FAF1: variants seen among roughly 807,000 people sequenced by gnomAD.
The protein encoded by FAF1 is FAS-associated factor 1.
FAF1 carries 25 observed loss-of-function variants against 92.5 expected under a neutral mutation model. That is an observed-to-expected ratio of 0.27 (90% CI 0.20 to 0.38). FAF1 has a LOEUF of 0.38. Among genes scored for constraint, FAF1 ranks in the 10% least tolerant of loss-of-function variants. FAF1 has a pLI of 1.00. For missense variants in FAF1, 636 were observed against 793.3 expected (o/e 0.80, Z 2.38); for synonymous variants, 234 against 273.2 (o/e 0.86, Z 1.42).
intron 3 of FAF1, among the ~76,000 whole-genome samples, chr1:50,797,532 C>A (rs2124586700): frequency 6.6e-6 from 1 of 152,158 alleles, no homozygotes; most frequent in Non-Finnish European, 1.5e-5. Context: ...GACCCCATCT[C>A]TACAAAGAAT....
intron 8 of FAF1, among the ~76,000 whole-genome samples, chr1:50,636,647 C>T (rs992924293): frequency 4.6e-5 from 7 of 151,952 alleles, no homozygotes; most frequent in Non-Finnish European, 8.8e-5. Flanking sequence ...TGAGCCACCG[C>T]GCCTGGCCTT....
At position 50,820,672 on chromosome 1, in the gene FAF1, C is replaced by A. The variant is rs886807147; in HGVS notation, c.115-18995G>T. 2.6e-5 allele frequency among the ~76,000 whole-genome samples: 4 copies of A among 152,320 alleles called. No homozygotes were observed. The South Asian group carries it at 6.2e-4, about 24-fold the overall frequency. ...CTCCCCATTTCCCAGCCCCTGGTAA[C>A]CACCATTCTAACCTCTCTGTTGCTA... On this transcript the variant is annotated intron_variant, in intron 2 of 18. Coordinates refer to ENST00000396153, the MANE Select transcript of FAF1 (RefSeq NM_007051.3).
intron 1 of FAF1, among the ~76,000 whole-genome samples, chr1:50,874,306 C>A (rs1331438089): frequency 6.6e-6 from 1 of 151,950 alleles, no homozygotes; most frequent in Admixed American, 6.6e-5. Flanking sequence ...ATAAAACCAT[C>A]CCATACCCTG....
At chr1:50,492,248 T>C (rs1398912285) in intron 15 of FAF1, among the ~76,000 whole-genome samples, 1 of 152,150 alleles carries the variant, frequency 6.6e-6, no homozygotes, top group Non-Finnish European at 1.5e-5. Context: ...AACTAAGGAC[T>C]GGGAGGGAGA....
intron 1 of FAF1, among the ~76,000 whole-genome samples, chr1:50,912,226 G>GT (rs1557586552): frequency 6.6e-6 from 1 of 152,194 alleles, no homozygotes; most frequent in Non-Finnish European, 1.5e-5. Flanking sequence ...CAGGAATGGT[G>GT]TATTAAAGTG....
chr1:50,780,964 A>G, intron 4 of FAF1: 1 of 484,118 alleles, frequency 2.1e-6, no homozygotes, highest in South Asian at 1.5e-5. Context: ...ACAGGAGGTC[A>G]TCATCTCTGC....
chr1:50,680,386 C>T (rs1469930257), intron 7 of FAF1, among the ~76,000 whole-genome samples: 1 of 151,814 alleles, frequency 6.6e-6, no homozygotes, highest in East Asian at 1.9e-4. Context: ...ATTAAGAAAA[C>T]ACTTAGAAAA....
At chr1:50,936,678 A>T (rs907521954) in intron 1 of FAF1, among the ~76,000 whole-genome samples, 1 of 152,180 alleles carries the variant, frequency 6.6e-6, no homozygotes, top group African/African-American at 2.4e-5. Context: ...TGGACTTAGC[A>T]GCTTATATTT....
chr1:50,640,727 C>CT (rs1391185399), intron 8 of FAF1, among the ~76,000 whole-genome samples: 11 of 151,242 alleles, frequency 7.3e-5, no homozygotes, highest in Admixed American at 7.2e-4. Flanking sequence ...TTTTAACTGT[C>CT]TGTATGATTT....
chr1:50,501,088 A>T (rs1646978478), intron 15 of FAF1, among the ~76,000 whole-genome samples: 1 of 152,232 alleles, frequency 6.6e-6, no homozygotes, highest in Non-Finnish European at 1.5e-5. Context: ...TTTATGAAAA[A>T]GAAAGTCATA....
chr1:50,872,453 G>C (rs1276025578), intron 1 of FAF1, among the ~76,000 whole-genome samples: 1 of 152,204 alleles, frequency 6.6e-6, no homozygotes, highest in African/African-American at 2.4e-5. Context: ...GGTTTCTTGA[G>C]ATGAAAATCT....
At chr1:50,768,756 A>G (rs1456311423) in intron 4 of FAF1, among the ~76,000 whole-genome samples, 1 of 152,188 alleles carries the variant, frequency 6.6e-6, no homozygotes, top group Non-Finnish European at 1.5e-5. Context: ...GATGCAATGT[A>G]ACAGAAACTC....
intron 9 of FAF1, among the ~76,000 whole-genome samples, chr1:50,585,648 T>C (rs1162487613): frequency 1.3e-5 from 2 of 152,158 alleles, no homozygotes; most frequent in Non-Finnish European, 2.9e-5. Flanking sequence ...GGCTACATGC[T>C]TGTCTGTCCT....
At chr1:50,903,247 A>G (rs1300692352) in intron 1 of FAF1, among the ~76,000 whole-genome samples, 2 of 152,158 alleles carry the variant, frequency 1.3e-5, no homozygotes, top group African/African-American at 2.4e-5. Flanking sequence ...GCCAGCCAAG[A>G]TATTTCATTA....
intron 18 of FAF1, among the ~76,000 whole-genome samples, chr1:50,443,448 T>C (rs1447676864): frequency 2.6e-5 from 4 of 152,202 alleles, no homozygotes; most frequent in Admixed American, 2.6e-4. Flanking sequence ...CCAGACAACA[T>C]ATCCATACAA....
chr1:50,451,141 T>C (rs996399185), intron 18 of FAF1, among the ~76,000 whole-genome samples: 2 of 152,144 alleles, frequency 1.3e-5, no homozygotes, highest in Non-Finnish European at 2.9e-5. Flanking sequence ...CTGCAAAGCA[T>C]AGGTGTCGAG....
intron 8 of FAF1, among the ~76,000 whole-genome samples, chr1:50,624,902 T>TC (rs1456809774): frequency 6.8e-6 from 1 of 146,584 alleles, no homozygotes; most frequent in East Asian, 1.9e-4. Flanking sequence ...ACACTCTTTT[T>TC]TTTTTTTTTT....
chr1:50,628,355 G>A (rs1163496101), intron 8 of FAF1, among the ~76,000 whole-genome samples: 1 of 152,092 alleles, frequency 6.6e-6, no homozygotes, highest in Non-Finnish European at 1.5e-5. Context: ...TCTACACACA[G>A]CTATCTGATT....
At chr1:50,863,694 C>G (rs1032599878) in intron 1 of FAF1, among the ~76,000 whole-genome samples, 63 of 152,082 alleles carry the variant, frequency 4.1e-4, no homozygotes, top group Non-Finnish European at 5.7e-4. Context: ...CCCGGCTTTG[C>G]TATCAGGATG....
Sources: allele counts gnomAD v4.1 joint callset (sites outside exome capture counted in the v4.1 genomes callset), GRCh38; gene constraint gnomAD v4.1.1; transcripts MANE v1.5; gene names NCBI Gene and HGNC (gene_info 2026-07-23, HGNC 2026-07-21).